The following MTHFD1L variants were observed in gnomAD, a reference collection of about 807,000 sequenced individuals.
MTHFD1L encodes the protein methylenetetrahydrofolate dehydrogenase (NADP+ dependent) 1 like.
A neutral mutation model predicts 119.5 loss-of-function variants in MTHFD1L; 81 were observed. That is an observed-to-expected ratio of 0.68 (90% CI 0.57 to 0.82). The LOEUF (loss-of-function observed/expected upper bound fraction) is 0.82, where lower values mean the gene tolerates loss of function less well. Among genes scored for constraint, MTHFD1L ranks in the 40% least tolerant of loss-of-function variants. MTHFD1L has a pLI of 0.00. For synonymous variants in MTHFD1L, 430 were observed against 475.2 expected, an observed-to-expected ratio of 0.90 and a Z score of 1.24; for missense variants, 1,125 against 1,253.4, an observed-to-expected ratio of 0.90 and a Z score of 1.55.
At chr6:151,062,834 TA>T (rs1447584288) in intron 26 of MTHFD1L, among the ~76,000 whole-genome samples, 3 of 152,062 alleles carry the variant, frequency 2.0e-5, no homozygotes, top group Non-Finnish European at 4.4e-5. Flanking sequence ...CAGCCATATA[TA>T]TATATATATA....
intron 26 of MTHFD1L, chr6:151,041,995 G>A (rs1257940234): frequency 6.3e-5 from 23 of 363,528 alleles, no homozygotes; most frequent in South Asian, 1.1e-4. Context: ...GAATTATTTC[G>A]TCATGTTCTA....
At chr6:151,078,349 G>A (rs1341217898) in intron 26 of MTHFD1L, among the ~76,000 whole-genome samples, 2 of 152,102 alleles carry the variant, frequency 1.3e-5, no homozygotes, top group Non-Finnish European at 2.9e-5. Flanking sequence ...GGATGAGGTA[G>A]GAGAATTGCA....
chr6:151,082,081 G>A (rs1326355841), intron 26 of MTHFD1L, among the ~76,000 whole-genome samples: 1 of 152,206 alleles, frequency 6.6e-6, no homozygotes, highest in Non-Finnish European at 1.5e-5. Flanking sequence ...ACTTAATTTT[G>A]AGTTTCCAAA....
chr6:151,025,845 G>A (rs895869574), intron 24 of MTHFD1L, among the ~76,000 whole-genome samples: 22 of 152,208 alleles, frequency 1.4e-4, no homozygotes, highest in Non-Finnish European at 2.6e-4. Flanking sequence ...AGGGTATTGA[G>A]AGTGGAGTGT....
chr6:150,892,527 T>C (rs920933023), intron 7 of MTHFD1L, among the ~76,000 whole-genome samples: 4 of 152,230 alleles, frequency 2.6e-5, no homozygotes, highest in Non-Finnish European at 4.4e-5. Flanking sequence ...AGTGGCACCA[T>C]TGCGAATGTT....
chr6:151,011,576 A>G (rs895199945), intron 21 of MTHFD1L, among the ~76,000 whole-genome samples: 1 of 152,172 alleles, frequency 6.6e-6, no homozygotes, highest in African/African-American at 2.4e-5. Context: ...TGTCCTGTAA[A>G]AATTCTCTAC....
At chr6:150,966,771 C>G (rs1738572) in intron 19 of MTHFD1L, among the ~76,000 whole-genome samples, 69,810 of 152,102 alleles carry the variant, frequency 0.46, 16,951 homozygotes, top group South Asian at 0.56. Flanking sequence ...TTACAGTGAA[C>G]TGAGATTGCA....
chr6:150,970,938 C>T (rs993152574), intron 19 of MTHFD1L, among the ~76,000 whole-genome samples: 2 of 152,138 alleles, frequency 1.3e-5, no homozygotes, highest in African/African-American at 4.8e-5. Flanking sequence ...TGAAGAATTC[C>T]CTTAGCCTCT....
chr6:150,879,486 A>C (rs1257757645), intron 4 of MTHFD1L, among the ~76,000 whole-genome samples: 4 of 151,378 alleles, frequency 2.6e-5, no homozygotes. Flanking sequence ...ACAGGGTTTC[A>C]TCATGTTGAC....
rs371009469 is a variant in MTHFD1L at position 150,924,738 on chromosome 6, A to G, written c.1083-1384A>G. On this transcript the variant is annotated intron_variant, in intron 10 of 27. Transcript: ENST00000367321. Reference sequence around the variant, plus strand: ...AGTGATCCTCCCGCCTTGGCCTCCCAAAGTGCTGGGATTACAGGCGTGAGC... The same window carrying G: ...AGTGATCCTCCCGCCTTGGCCTCCCGAAGTGCTGGGATTACAGGCGTGAGC... Among the ~76,000 whole-genome samples, 3 of 152,356 alleles carry G rather than the reference A, an allele frequency of 2.0e-5. No homozygotes were observed. The East Asian group carries it at 5.8e-4, about 29-fold the overall frequency.
At chr6:151,093,832 G>A (rs1367419300) in intron 27 of MTHFD1L, among the ~76,000 whole-genome samples, 1 of 152,128 alleles carries the variant, frequency 6.6e-6, no homozygotes, top group African/African-American at 2.4e-5. Flanking sequence ...GGGCCCCATG[G>A]GTTCCAGGAA....
intron 7 of MTHFD1L, among the ~76,000 whole-genome samples, chr6:150,895,613 GTTTTT>G (rs10630027): frequency 7.4e-6 from 1 of 134,464 alleles, no homozygotes; most frequent in Non-Finnish European, 1.6e-5. Context: ...GTTTTTTGTG[GTTTTT>G]TTTTTTTTTT....
chr6:151,008,254 G>A (rs1456362310), intron 20 of MTHFD1L, among the ~76,000 whole-genome samples: 2 of 152,186 alleles, frequency 1.3e-5, no homozygotes, highest in African/African-American at 2.4e-5. Flanking sequence ...TTGTAGCACA[G>A]CAAGGAAACT....
intron 20 of MTHFD1L, among the ~76,000 whole-genome samples, chr6:151,004,333 C>CA (rs542512431): frequency 1.4e-4 from 21 of 152,128 alleles, no homozygotes; most frequent in African/African-American, 5.1e-4. Context: ...TCAAAACAAA[C>CA]AAAAAAATCC....
At chr6:150,917,517 A>C (rs972470213) in intron 8 of MTHFD1L, among the ~76,000 whole-genome samples, 4 of 152,140 alleles carry the variant, frequency 2.6e-5, no homozygotes, top group Non-Finnish European at 4.4e-5. Flanking sequence ...ATTTTTTTAG[A>C]TCCTTCTAAT....
chr6:150,962,917 T>TTC (rs1796656839), intron 18 of MTHFD1L, among the ~76,000 whole-genome samples: 1 of 43,290 alleles, frequency 2.3e-5, no homozygotes, highest in African/African-American at 5.8e-5. Flanking sequence ...TTCTTTTCTT[T>TTC]TTTTTTTTTT....
chr6:150,873,192 G>A (rs542463522), intron 1 of MTHFD1L, among the ~76,000 whole-genome samples: 5 of 152,074 alleles, frequency 3.3e-5, no homozygotes, highest in African/African-American at 1.2e-4. Context: ...GCATGCACCA[G>A]TAGTCCCAGC....
chr6:151,095,469 T>A (rs1584462950), intron 27 of MTHFD1L, among the ~76,000 whole-genome samples: 1 of 152,232 alleles, frequency 6.6e-6, no homozygotes, highest in East Asian at 1.9e-4. Context: ...AGTTTTCACA[T>A]GCTCTCCAAG....
intron 20 of MTHFD1L, among the ~76,000 whole-genome samples, chr6:150,985,660 CAAAA>C (rs71014533): frequency 2.5e-5 from 2 of 78,968 alleles, no homozygotes; most frequent in African/African-American, 9.8e-5. Flanking sequence ...GACTCTGTCT[CAAAA>C]AAAAAAAAAA....
Sources: allele counts gnomAD v4.1 joint callset (sites outside exome capture counted in the v4.1 genomes callset), GRCh38; gene constraint gnomAD v4.1.1; transcripts MANE v1.5; gene names NCBI Gene and HGNC (gene_info 2026-07-23, HGNC 2026-07-21).